Variants in GALNT13 observed in about 807,000 individuals in gnomAD.
GALNT13 encodes the protein polypeptide N-acetylgalactosaminyltransferase 13, also known as UDP-GalNAc:polypeptide N-acetylgalactosaminyltransferase 13.
In GALNT13, 28 loss-of-function variants were observed where a neutral mutation model predicts 64.2. That is an observed-to-expected ratio of 0.44 (90% CI 0.32 to 0.60). The LOEUF is 0.60. Among genes scored for constraint, GALNT13 ranks in the 20% least tolerant of loss-of-function variants. GALNT13 has a pLI of 0.05. For synonymous variants in GALNT13, 214 were observed against 224.6 expected (o/e 0.95, Z 0.42); for missense variants, 577 against 669.8 (o/e 0.86, Z 1.53).
chr2:153,105,605 AT>A, the GALNT13 span, among the ~76,000 whole-genome samples: 5 of 152,224 alleles, frequency 3.3e-5, no homozygotes, highest in Non-Finnish European at 7.3e-5. Flanking sequence ...AGATGACATG[AT>A]TGTATATCTA....
intron 4 of GALNT13, among the ~76,000 whole-genome samples, chr2:154,221,487 C>T (rs1688320188): frequency 6.6e-6 from 1 of 151,886 alleles, no homozygotes; most frequent in Admixed American, 6.6e-5. Context: ...ATTTTGTTCC[C>T]TAAAATTAGA....
chr2:153,140,484 T>C, the GALNT13 span, among the ~76,000 whole-genome samples: 1 of 152,034 alleles, frequency 6.6e-6, no homozygotes, highest in African/African-American at 2.4e-5. Flanking sequence ...AGGTTAATAA[T>C]TTAACTAAAG....
At position 154,091,493 on chromosome 2, in the gene GALNT13, C is replaced by A. The variant is rs115231396; in HGVS notation, c.143-48844C>A. On this transcript the variant is annotated intron_variant, in intron 3 of 12. Coordinates refer to ENST00000392825, the MANE Select transcript of GALNT13 (RefSeq NM_052917.4). ...TATAAATAATTTGTATTAAACATTACAAAATATACTAAATTAAAAGGATGA... is the reference window on the plus strand; with the variant it reads ...TATAAATAATTTGTATTAAACATTAAAAAATATACTAAATTAAAAGGATGA... 2.5e-3 allele frequency among the ~76,000 whole-genome samples: 372 copies of A among 151,830 alleles called. 4 individuals carry two copies. Among genetic ancestry groups the A allele is most frequent in the African/African-American group, 8.1e-3 (338 of 41,492 alleles).
At chr2:153,822,479 G>A in the GALNT13 span, among the ~76,000 whole-genome samples, 1 of 151,806 alleles carries the variant, frequency 6.6e-6, no homozygotes, top group Non-Finnish European at 1.5e-5. Flanking sequence ...AAAAATAAAG[G>A]CCATATGATT....
chr2:154,231,101 G>T (rs1479988797), intron 4 of GALNT13, among the ~76,000 whole-genome samples: 1 of 151,916 alleles, frequency 6.6e-6, no homozygotes, highest in Non-Finnish European at 1.5e-5. Flanking sequence ...CATTTGACTT[G>T]CTCCTTTCCT....
the GALNT13 span, among the ~76,000 whole-genome samples, chr2:153,333,654 C>T: frequency 5.9e-3 from 901 of 152,258 alleles, 2 homozygotes; most frequent in South Asian, 0.012. Flanking sequence ...ATATTTTCCA[C>T]ATCACAAAAA....
At chr2:153,689,066 GTGTA>G in the GALNT13 span, among the ~76,000 whole-genome samples, 114 of 120,334 alleles carry the variant, frequency 9.5e-4, no homozygotes, top group African/African-American at 3.5e-3. Context: ...TAAACCGCGT[GTGTA>G]TGTGTGTGTG....
chr2:154,162,962 TTTTA>T (rs1183223179), intron 4 of GALNT13, among the ~76,000 whole-genome samples: 1 of 150,246 alleles, frequency 6.7e-6, no homozygotes. Context: ...TTTTTTTTTA[TTTTA>T]TTTTTCTATT....
the GALNT13 span, among the ~76,000 whole-genome samples, chr2:153,796,379 A>G: frequency 2.5e-3 from 383 of 152,320 alleles, 1 homozygote; most frequent in African/African-American, 6.5e-3. Context: ...TGCTTTATGC[A>G]TTATTTAATA....
intron 4 of GALNT13, among the ~76,000 whole-genome samples, chr2:154,178,651 A>G (rs755348431): frequency 6.6e-6 from 1 of 152,116 alleles, no homozygotes; most frequent in Non-Finnish European, 1.5e-5. Context: ...CAATTAACAT[A>G]TTCTTCAAGT....
intron 7 of GALNT13, among the ~76,000 whole-genome samples, chr2:154,253,062 G>A (rs1438992318): frequency 6.6e-6 from 1 of 152,122 alleles, no homozygotes; most frequent in Admixed American, 6.5e-5. Context: ...TATCTAAAAT[G>A]TATACTATAA....
chr2:153,311,913 A>G, the GALNT13 span, among the ~76,000 whole-genome samples: 1 of 152,248 alleles, frequency 6.6e-6, no homozygotes, highest in Admixed American at 6.5e-5. Flanking sequence ...ATGAAGATCC[A>G]TAACTCTGTA....
intron 9 of GALNT13, among the ~76,000 whole-genome samples, chr2:154,362,585 A>C (rs1697137712): frequency 6.6e-6 from 1 of 152,170 alleles, no homozygotes; most frequent in African/African-American, 2.4e-5. Flanking sequence ...CACCCAACCC[A>C]AAAGCTCTTG....
chr2:154,110,669 G>A (rs1319699215), intron 3 of GALNT13, among the ~76,000 whole-genome samples: 2 of 151,832 alleles, frequency 1.3e-5, no homozygotes, highest in Non-Finnish European at 2.9e-5. Context: ...TTAAGGGTGG[G>A]TCTGCCTTCT....
chr2:154,130,867 C>T (rs1177996054), intron 3 of GALNT13, among the ~76,000 whole-genome samples: 1 of 152,170 alleles, frequency 6.6e-6, no homozygotes, highest in African/African-American at 2.4e-5. Flanking sequence ...ATGTAAACAG[C>T]TTCTGTAAAA....
intron 11 of GALNT13, among the ~76,000 whole-genome samples, chr2:154,426,591 A>G (rs1306951537): frequency 1.3e-5 from 2 of 152,224 alleles, no homozygotes; most frequent in Non-Finnish European, 2.9e-5. Context: ...TTAAATTTGC[A>G]ATTTATATTC....
At chr2:153,731,076 G>T in the GALNT13 span, among the ~76,000 whole-genome samples, 1 of 151,564 alleles carries the variant, frequency 6.6e-6, no homozygotes, top group African/African-American at 2.4e-5. Flanking sequence ...ATATATATGT[G>T]TGTGTGTGTG....
chr2:154,331,182 A>G (rs987869644), intron 9 of GALNT13, among the ~76,000 whole-genome samples: 3 of 152,158 alleles, frequency 2.0e-5, no homozygotes, highest in Non-Finnish European at 4.4e-5. Flanking sequence ...ACATGAGATA[A>G]AAGTAATACA....
chr2:154,045,645 T>A (rs1412106644), intron 3 of GALNT13, among the ~76,000 whole-genome samples: 1 of 152,234 alleles, frequency 6.6e-6, no homozygotes, highest in African/African-American at 2.4e-5. Flanking sequence ...GTTATAATGC[T>A]GCTTTTTCCT....
Sources: gnomAD v4.1 joint callset for allele counts (sites outside exome capture counted in the v4.1 genomes callset) on GRCh38, gnomAD v4.1.1 for gene constraint, MANE v1.5 for transcripts, NCBI Gene and HGNC (gene_info 2026-07-23, HGNC 2026-07-21) for gene names.